ZNF445: variants seen among roughly 807,000 people sequenced by gnomAD.
The protein encoded by ZNF445 is zinc finger protein 445.
In ZNF445, 19 loss-of-function variants were observed where a neutral mutation model predicts 93.9. That is an observed-to-expected ratio of 0.20 (90% confidence interval 0.14 to 0.30). The LOEUF (loss-of-function observed/expected upper bound fraction) is 0.30, where lower values mean the gene tolerates loss of function less well. ZNF445 is among the 10% of genes least tolerant of loss of function. The probability of loss-of-function intolerance (pLI) is 1.00; values close to 1 mark genes in which losing one functional copy is unlikely to be tolerated. For synonymous variants in ZNF445, 449 were observed against 446.3 expected (o/e 1.01, Z -0.08); for missense variants, 1,058 against 1,259.4 (o/e 0.84, Z 2.42).
intron 1 of ZNF445, among the ~76,000 whole-genome samples, chr3:44,471,678 C>T (rs552177033): frequency 3.3e-5 from 5 of 152,282 alleles, no homozygotes; most frequent in South Asian, 2.1e-4. Flanking sequence ...AAGACTCACA[C>T]TAGAAGGCAT....
intron 1 of ZNF445, among the ~76,000 whole-genome samples, chr3:44,465,751 A>T (rs998092911): frequency 1.1e-3 from 160 of 152,242 alleles, no homozygotes; most frequent in African/African-American, 3.8e-3. Flanking sequence ...CATCTCTACT[A>T]AAAATACAAA....
rs1403273209 is a variant in ZNF445 at position 44,447,498 on chromosome 3, T to C, written c.2173A>G (p.Ile725Val). ...ATGGCATGCTTCTTCTTATGAACAA[T>C]AAAGGCTGACCTATAGGCAAAGTCC... ...GKDFAYRSAF[I>V]VHKKKHAMKR... The change falls in exon 8 of 8, where the codon ATT becomes GTT. Residue 725 changes from isoleucine (I) to valine (V), a missense_variant. Around this residue, in one of 3 missense-constraint regions of ZNF445, gnomAD observed 387 missense variants for 475.7 expected, o/e 0.81. Transcript: ENST00000396077. This position sits in a 1 kb window ranked among gnomAD's most constrained non-coding sequence, Gnocchi z 4.7. 2.5e-6 allele frequency: 4 copies of C among 1,614,072 alleles called. No homozygotes were observed. Among genetic ancestry groups the C allele is most frequent in the African/African-American group, 1.3e-5 (1 of 74,918 alleles).
intron 3 of ZNF445, among the ~76,000 whole-genome samples, chr3:44,452,187 AACT>A (rs1428407474): frequency 2.0e-5 from 3 of 152,144 alleles, no homozygotes; most frequent in Admixed American, 6.5e-5. Context: ...GAGTACAGGA[AACT>A]ACAATTTGAG....
rs1575305624 is a variant in ZNF445 at position 44,443,461 on chromosome 3, C to T, written c.*3114G>A. 6.6e-6 allele frequency: 1 copy of T among 152,150 alleles called. No individual in the cohort carries two copies. Among genetic ancestry groups the T allele is most frequent in the East Asian group, 1.9e-4 (1 of 5,204 alleles). 9.4% of individuals were successfully genotyped at this position (152,150 alleles called of 1,614,324 possible). A position where few individuals can be genotyped will look rare whatever the true frequency, so the allele number is the denominator to read the frequency against. On this transcript the variant is annotated 3_prime_UTR_variant, in exon 8 of 8. Transcript: ENST00000396077. ...TTTGGCCGGGCACAGTGGCTCACAC[C>T]TGTAATCCCAGCATTTTGGGAGGCC...
Position 44,449,609 on chromosome 3 carries a change from T to G in ZNF445, c.835A>C (p.Lys279Gln). The part of the protein sequence containing the change: ...NMASLVGPFT[K>Q]PALISWLEAR... ...TCCAACCAGGAGATCAGAGCAGGTT[T>G]GGTGAATGGTCCCACTGCAGAAGAG... The change falls in exon 7 of 8, where the codon AAA (lysine) becomes CAA (glutamine). Residue 279 changes from lysine (K) to glutamine (Q), a missense_variant. Physicochemically the swap from Lys to Gln is moderately conservative, Grantham distance 53 (BLOSUM62 1). Transcript: ENST00000396077. The G allele has an allele frequency of 6.2e-7, 1 of 1,613,970 alleles. No individual in the cohort carries two copies. Among genetic ancestry groups the G allele is most frequent in the Non-Finnish European group, 8.5e-7 (1 of 1,179,918 alleles).
At chr3:44,463,129 C>T (rs1698142572) in intron 1 of ZNF445, among the ~76,000 whole-genome samples, 1 of 151,954 alleles carries the variant, frequency 6.6e-6, no homozygotes, top group Admixed American at 6.6e-5. Flanking sequence ...CTTTGCCTCC[C>T]AGGCTCAAGA....
chr3:44,449,950 G>A (rs1170984410), intron 6 of ZNF445, among the ~76,000 whole-genome samples: 1 of 152,086 alleles, frequency 6.6e-6, no homozygotes, highest in Admixed American at 6.6e-5. Context: ...GTTTTTATTT[G>A]TCTGTTTTGA....
At chr3:44,466,299 T>C (rs922682758) in intron 1 of ZNF445, among the ~76,000 whole-genome samples, 1 of 152,224 alleles carries the variant, frequency 6.6e-6, no homozygotes, top group Non-Finnish European at 1.5e-5. Flanking sequence ...CTTTCCAAAA[T>C]CAAATTATAA....
At chr3:44,451,189 G>T in intron 4 of ZNF445, 125 bp downstream of exon 4, 1 of 1,265,712 alleles carries the variant, frequency 7.9e-7, no homozygotes, top group Non-Finnish European at 1.1e-6. Context: ...GGATGGAGAG[G>T]ACAGAGAGCT....
At chr3:44,469,691 C>T (rs1269316855) in intron 1 of ZNF445, among the ~76,000 whole-genome samples, 1 of 152,042 alleles carries the variant, frequency 6.6e-6, no homozygotes, top group Non-Finnish European at 1.5e-5. Flanking sequence ...ACCACTTGAA[C>T]CCAGGAGGCA....
At position 44,435,108 on chromosome 3, in the gene ZNF445, T is replaced by C. The variant is rs1222250722; in HGVS notation, c.*11467A>G. The C allele has an allele frequency of 1.3e-5, 2 of 152,278 alleles. No individual in the cohort carries two copies. Among genetic ancestry groups the C allele is most frequent in the East Asian group, 3.9e-4 (2 of 5,166 alleles). 9.4% of individuals were successfully genotyped at this position (152,278 alleles called of 1,614,324 possible). On this transcript the variant is annotated 3_prime_UTR_variant, in exon 8 of 8. Coordinates refer to ENST00000396077, the MANE Select transcript of ZNF445 (RefSeq NM_181489.6). Reference sequence around the variant, plus strand: ...TCAGATCATGTTAACGCCACCATTTTCTGCACATATGTCATATGAACCCCA... The same window carrying C: ...TCAGATCATGTTAACGCCACCATTTCCTGCACATATGTCATATGAACCCCA...
intron 1 of ZNF445, among the ~76,000 whole-genome samples, chr3:44,470,921 T>C (rs1191609647): frequency 7.3e-5 from 11 of 150,002 alleles, no homozygotes; most frequent in Non-Finnish European, 1.6e-4. Flanking sequence ...GTTGAACAGA[T>C]GTAAGGAGAA....
At chr3:44,448,934 G>A (rs1343927687) in intron 7 of ZNF445, among the ~76,000 whole-genome samples, 195 bp from the exon 8 acceptor site, 2 of 152,140 alleles carry the variant, frequency 1.3e-5, no homozygotes, top group Non-Finnish European at 2.9e-5. Context: ...AAGCAAGATG[G>A]GCAGGGCAGC....
chr3:44,473,195 C>A (rs1224897267), intron 1 of ZNF445, among the ~76,000 whole-genome samples: 1 of 152,148 alleles, frequency 6.6e-6, no homozygotes, highest in Non-Finnish European at 1.5e-5. Context: ...CAGTGGCTCA[C>A]ACCTGTAATC....
rs1023865607 is a variant in ZNF445, at chr3:44,433,656, G to A, written c.*12919C>T. 1 of 152,288 alleles carries A rather than the reference G, an allele frequency of 6.6e-6. No homozygotes were observed. Among genetic ancestry groups the A allele is most frequent in the African/African-American group, 2.4e-5 (1 of 41,432 alleles). The allele number at this position is 152,288 out of a possible 1,614,324, so 9.4% of individuals were successfully genotyped here. A position where few individuals can be genotyped will look rare whatever the true frequency, so the allele number is the denominator to read the frequency against. On this transcript the variant is annotated 3_prime_UTR_variant, in exon 8 of 8. Transcript: ENST00000396077. ...CTGGCTTCTGCCCTTAGAGGAGCCG[G>A]ACCTGCAGAGAGAGAGTGGGAAAGT...
At chr3:44,454,187 A>T (rs1017159727) in intron 3 of ZNF445, among the ~76,000 whole-genome samples, 9 of 150,544 alleles carry the variant, frequency 6.0e-5, no homozygotes, top group African/African-American at 1.7e-4. Flanking sequence ...GTGGTGGGGT[A>T]TGCCTCAAAA....
In ZNF445 at chr3:44,447,992, C is replaced by T. The variant is rs776283426; in HGVS notation, c.1679G>A (p.Arg560Gln). ...AAATTTCTTCTTAGCATGGGTTTCTCGGTGCAGACGGTAGGCTGACAGGCG... is the reference window on the plus strand; with the variant it reads ...AAATTTCTTCTTAGCATGGGTTTCTTGGTGCAGACGGTAGGCTGACAGGCG... ...FRRLSAYRLH[R>Q]ETHAKKKFLE... Residue 560 changes from arginine (R) to glutamine (Q), a missense_variant, in exon 8 of 8, where the codon CGA (arginine) becomes CAA (glutamine). Coordinates refer to ENST00000396077, the MANE Select transcript of ZNF445 (RefSeq NM_181489.6). This position sits in a 1 kb window ranked among gnomAD's most constrained non-coding sequence, Gnocchi z 4.7. The T allele has an allele frequency of 1.1e-5, 17 of 1,611,564 alleles. No homozygotes were observed. Among genetic ancestry groups the T allele is most frequent in the Non-Finnish European group, 1.4e-5 (16 of 1,180,012 alleles).
chr3:44,451,597 G>A lies in ZNF445; in HGVS notation c.430-115C>T. 1.7e-6 allele frequency: 2 copies of A among 1,158,120 alleles called. 1 individual carries two copies. The highest frequency in any genetic ancestry group is 3.2e-5 in the South Asian group (2 of 62,744). The allele number at this position is 1,158,120 out of a possible 1,614,324, so 71.7% of individuals were successfully genotyped here. A position where few individuals can be genotyped will look rare whatever the true frequency, so the allele number is the denominator to read the frequency against. ...AAAGGCCGAGGGATAGGTAAGCCAG[G>A]TCCTTTATTACTTCCAGGCAGGAGG... On this transcript the variant is annotated intron_variant, in intron 3 of 7. Coordinates refer to ENST00000396077, the MANE Select transcript of ZNF445 (RefSeq NM_181489.6).
In ZNF445 at chr3:44,447,756, T is replaced by C. The variant is rs773416875; in HGVS notation, c.1915A>G (p.Asn639Asp). The change falls in exon 8 of 8, where the codon AAC becomes GAC. Residue 639 changes from asparagine to aspartate, a missense_variant. Physicochemically the swap from Asn to Asp is conservative, Grantham distance 23. Around this residue, in one of 3 missense-constraint regions of ZNF445, gnomAD observed 14 missense variants for 37.3 expected, o/e 0.38. Coordinates refer to ENST00000396077, the MANE Select transcript of ZNF445 (RefSeq NM_181489.6). The surrounding 1 kb of genome is among the most constrained non-coding windows in gnomAD (Gnocchi z 4.7). ...TGCAACCTCATATGACGAGTAAAGT[T>C]TGATCTCCATCTAAAGGTTTTCCTA... ...KCRKTFRWRS[N>D]FTRHMRLHEE... is the part of the protein sequence containing the mutation. 1.9e-6 allele frequency: 3 copies of C among 1,614,080 alleles called. No homozygotes were observed. The highest frequency in any genetic ancestry group is 1.3e-5 in the African/African-American group (1 of 74,926).
Sources: gnomAD v4.1 joint callset for allele counts (sites outside exome capture counted in the v4.1 genomes callset) on GRCh38, gnomAD v4.1.1 for gene constraint, gnomAD v4.1.1 regional missense constraint, Gnocchi (gnomAD v3.1) non-coding constraint, MANE v1.5 for transcripts, NCBI Gene and HGNC (gene_info 2026-07-23, HGNC 2026-07-21) for gene names.